The following ZNF382 variants were observed in gnomAD, a reference collection of about 807,000 sequenced individuals.
ZNF382 encodes the protein zinc finger protein 382.
ZNF382 carries 20 observed loss-of-function variants against 38.8 expected under a neutral mutation model. The observed-to-expected ratio is 0.51, with a 90% CI of 0.36 to 0.75. The LOEUF (loss-of-function observed/expected upper bound fraction) is 0.75. Among genes scored for constraint, ZNF382 ranks in the 30% least tolerant of loss-of-function variants. The probability of loss-of-function intolerance (pLI) is 0.00; values close to 1 mark genes in which losing one functional copy is unlikely to be tolerated. For synonymous variants in ZNF382, 202 were observed against 223.1 expected (o/e 0.91, Z 0.84); for missense variants, 546 against 654.1 (o/e 0.83, Z 1.80).
rs2037250514 is a variant in ZNF382 at position 36,630,969 on chromosome 19, C to G, written c.*3419C>G. ...TCAGCTAATGTTTTTATTTTTTATACATATGGGGTCTCGTTGTGTTGCCCA... is the reference window on the plus strand; with the variant it reads ...TCAGCTAATGTTTTTATTTTTTATAGATATGGGGTCTCGTTGTGTTGCCCA... On this transcript the variant is annotated 3_prime_UTR_variant, in exon 5 of 5. Transcript: ENST00000292928. The G allele has an allele frequency of 6.6e-6, 1 of 151,670 alleles. No homozygotes were observed. Among genetic ancestry groups the G allele is most frequent in the Non-Finnish European group, 1.5e-5 (1 of 67,936 alleles). 9.4% of individuals were successfully genotyped at this position (151,670 alleles called of 1,614,324 possible).
At position 36,610,492 on chromosome 19, in the gene ZNF382, A is replaced by AAATATGATT. The variant is rs781616829; in HGVS notation, c.140-156_140-148dup. Reference sequence around the variant, plus strand: ...AAAAGAAAAGGAAAGAAAGAAAAGAAAATATGATTATATCATCACTTGTGT... The same window carrying AAATATGATT: ...AAAAGAAAAGGAAAGAAAGAAAAGAAAATATGATTAATATGATTATATCATCACTTGTGT... On this transcript the variant is annotated intron_variant, in intron 3 of 4. Transcript: ENST00000292928. 1.0e-4 allele frequency: 54 copies of AAATATGATT among 518,986 alleles called. 1 individual carries two copies. Among genetic ancestry groups the AAATATGATT allele is most frequent in the Middle Eastern group, 9.0e-4 (3 of 3,334 alleles). The allele number at this position is 518,986 out of a possible 1,614,324, so 32.1% of individuals were successfully genotyped here.
intron 4 of ZNF382, among the ~76,000 whole-genome samples, chr19:36,613,359 G>A (rs2037094289): frequency 1.3e-5 from 2 of 151,176 alleles, no homozygotes; most frequent in Admixed American, 6.6e-5. Context: ...TAGGTATAGT[G>A]AGGATAATTC....
At position 36,610,662 on chromosome 19, in the gene ZNF382, C is replaced by T. The variant is rs139234673; in HGVS notation, c.152C>T (p.Ala51Val). The change falls in exon 4 of 5, where the codon GCT (alanine) becomes GTT (valine). Residue 51 changes from alanine (A) to valine (V), a missense_variant. Coordinates refer to ENST00000292928, the MANE Select transcript of ZNF382 (RefSeq NM_032825.5). ...CHFVSVGFHM[A>V]KPDMIRKLEQ... ...TTTCCATCATCAGGGTTTCACATGG[C>T]TAAGCCTGATATGATCCGCAAGTTG... 2 of 1,612,166 alleles carry T rather than the reference C, an allele frequency of 1.2e-6. No homozygotes were observed. The highest frequency in any genetic ancestry group is 1.7e-6 in the Non-Finnish European group (2 of 1,179,170).
At position 36,610,048 on chromosome 19, in the gene ZNF382, C is replaced by A; in HGVS notation, c.134C>A (p.Ser45Tyr). 6.2e-7 allele frequency: 1 copy of A among 1,613,770 alleles called. No homozygotes were observed. Among genetic ancestry groups the A allele is most frequent in the Non-Finnish European group, 8.5e-7 (1 of 1,179,886 alleles). Residue 45 changes from serine to tyrosine, a missense_variant, in exon 3 of 5, where the codon TCT becomes TAT. Physicochemically the swap from Ser to Tyr is moderately radical, Grantham distance 144. Transcript: ENST00000292928. ...TTGGAAAACTATTGCCACTTCGTAT[C>A]TGTGGGTAAGAAACACTCCTGAATC... ...VMLENYCHFV[S>Y]VGFHMAKPDM...
Position 36,629,890 on chromosome 19 carries a change from A to C in ZNF382, c.*2340A>C, listed in dbSNP as rs2037242393. 2.0e-5 allele frequency: 3 copies of C among 152,192 alleles called. No homozygotes were observed. The highest frequency in any genetic ancestry group is 1.3e-4 in the Admixed American group (2 of 15,274). The allele number at this position is 152,192 out of a possible 1,614,324, so 9.4% of individuals were successfully genotyped here. A position where few individuals can be genotyped will look rare whatever the true frequency, so the allele number is the denominator to read the frequency against. On this transcript the variant is annotated 3_prime_UTR_variant, in exon 5 of 5. Transcript: ENST00000292928. ...CAGTGAGCCAGGATAGCACCACTGC[A>C]CTCCAGCCTGGGTAACAGAGCGAGA... is the stretch of plus-strand genomic sequence containing the variant.
At chr19:36,625,121 T>TATATATATATAG (rs1173893044) in intron 4 of ZNF382, among the ~76,000 whole-genome samples, 1 of 127,682 alleles carries the variant, frequency 7.8e-6, no homozygotes, top group Non-Finnish European at 1.7e-5. Flanking sequence ...TATATATATA[T>TATATATATATAG]ATATATAATG....
chr19:36,615,075 C>G (rs1288279650), intron 4 of ZNF382, among the ~76,000 whole-genome samples: 2 of 150,632 alleles, frequency 1.3e-5, no homozygotes, highest in Non-Finnish European at 3.0e-5. Flanking sequence ...CTCCGACTCC[C>G]GGGTTCAAAT....
intron 4 of ZNF382, among the ~76,000 whole-genome samples, chr19:36,623,957 C>T (rs767736116): frequency 2.0e-5 from 3 of 151,830 alleles, no homozygotes; most frequent in Non-Finnish European, 4.4e-5. Flanking sequence ...AGTGTGGTGG[C>T]GGGCACCTGT....
chr19:36,605,359 G>A lies in ZNF382; in HGVS notation c.-85+12G>A, dbSNP rs949729169. 2.0e-5 allele frequency: 3 copies of A among 152,938 alleles called. No individual in the cohort carries two copies. The highest frequency in any genetic ancestry group is 4.4e-5 in the Non-Finnish European group (3 of 68,660). The allele number at this position is 152,938 out of a possible 1,614,324, so 9.5% of individuals were successfully genotyped here. A position where few individuals can be genotyped will look rare whatever the true frequency, so the allele number is the denominator to read the frequency against. On this transcript the variant is annotated intron_variant, in intron 1 of 4. Transcript: ENST00000292928. Reference sequence around the variant, plus strand: ...GGGGGTGAGGCTTGGTGGGTGCCAGGGGTGCTGAGGAGGCCAAGGAGGGCA... The same window carrying A: ...GGGGGTGAGGCTTGGTGGGTGCCAGAGGTGCTGAGGAGGCCAAGGAGGGCA...
intron 4 of ZNF382, among the ~76,000 whole-genome samples, chr19:36,621,641 A>G (rs569748974): frequency 6.6e-6 from 1 of 152,192 alleles, no homozygotes; most frequent in East Asian, 1.9e-4. Context: ...AAATCAGTAT[A>G]GTATAACAAC....
rs1434481969 is a variant in ZNF382, at chr19:36,626,606, G to C, written c.709G>C (p.Glu237Gln). ...TACACATACTAGAGCTCACAGAGGA[G>C]AAAGAACCTTTGAATACAATAAAGA... ...LFTHTRAHRG[E>Q]RTFEYNKDGI... Residue 237 changes from glutamate to glutamine, a missense_variant, in exon 5 of 5, where the codon GAA becomes CAA. Glu to Gln is a conservative substitution (Grantham distance 29). Transcript: ENST00000292928. The C allele has an allele frequency of 6.2e-7, 1 of 1,614,140 alleles. No homozygotes were observed. Among genetic ancestry groups the C allele is most frequent in the South Asian group, 1.1e-5 (1 of 91,070 alleles).
At chr19:36,619,933 G>C (rs12977486) in intron 4 of ZNF382, among the ~76,000 whole-genome samples, 13,472 of 151,906 alleles carry the variant, frequency 0.089, 637 homozygotes, top group African/African-American at 0.13. Context: ...GGGTTTCACC[G>C]TGTTAGCCAG....
chr19:36,619,476 C>G (rs572196283), intron 4 of ZNF382, among the ~76,000 whole-genome samples: 2 of 152,238 alleles, frequency 1.3e-5, no homozygotes, highest in South Asian at 4.1e-4. Flanking sequence ...GGTGGGCTAA[C>G]TATTTGTAAC....
Position 36,627,527 on chromosome 19 carries a change from G to A in ZNF382, c.1630G>A (p.Val544Ile). ...CATTGTCCATCAGAAAACTCACAAG[G>A]TAGAAACCACGGGAATTCAGTAAGT... The part of the protein sequence containing the change: ...NLIVHQKTHK[V>I]ETTGIQ Residue 544 changes from valine (V) to isoleucine (I), a missense_variant, in exon 5 of 5, where the codon GTA (valine) becomes ATA (isoleucine). Val to Ile is a conservative substitution (Grantham distance 29). Transcript: ENST00000292928. 3 of 1,610,928 alleles carry A rather than the reference G, an allele frequency of 1.9e-6. No homozygotes were observed. The South Asian group carries it at 3.3e-5, about 18-fold the overall frequency.
chr19:36,610,832 T>C lies in ZNF382; in HGVS notation c.232+90T>C, dbSNP rs2037071620. 5 of 936,530 alleles carry C rather than the reference T, an allele frequency of 5.3e-6. No individual in the cohort carries two copies. In the Admixed American group the frequency reaches 7.1e-5, roughly 13 times the overall value. 58.0% of individuals were successfully genotyped at this position (936,530 alleles called of 1,614,324 possible). On this transcript the variant is annotated intron_variant, in intron 4 of 4. Transcript: ENST00000292928. ...TAGGGATCTATTTTTGTTATTGTGGTAAAATACACATAACATTAAATATGC... is the reference window on the plus strand; with the variant it reads ...TAGGGATCTATTTTTGTTATTGTGGCAAAATACACATAACATTAAATATGC...
At position 36,629,456 on chromosome 19, in the gene ZNF382, C is replaced by T. The variant is rs374191435; in HGVS notation, c.*1906C>T. The T allele has an allele frequency of 2.6e-5, 4 of 152,124 alleles. No homozygotes were observed. The highest frequency in any genetic ancestry group is 4.4e-5 in the Non-Finnish European group (3 of 68,028). 9.4% of individuals were successfully genotyped at this position (152,124 alleles called of 1,614,324 possible). A position where few individuals can be genotyped will look rare whatever the true frequency, so the allele number is the denominator to read the frequency against. On this transcript the variant is annotated 3_prime_UTR_variant, in exon 5 of 5. Transcript: ENST00000292928. ...GGACCCTGCTAACACCCAACTGGTA[C>T]CACAAATGAGACCTCAAGCAAGAAC...
At chr19:36,625,103 T>TATAG (rs2037200793) in intron 4 of ZNF382, among the ~76,000 whole-genome samples, 1 of 119,988 alleles carries the variant, frequency 8.3e-6, no homozygotes, top group South Asian at 2.6e-4. Flanking sequence ...TATATATATA[T>TATAG]ATATATATAT....
intron 4 of ZNF382, among the ~76,000 whole-genome samples, chr19:36,615,296 T>A (rs2037117384): frequency 6.6e-6 from 1 of 152,176 alleles, no homozygotes; most frequent in Non-Finnish European, 1.5e-5. Context: ...TTTTTAGTAG[T>A]TTTAATTACA....
Position 36,629,375 on chromosome 19 carries a change from T to TA in ZNF382, c.*1825_*1826insA, listed in dbSNP as rs1460453472. 1.3e-5 allele frequency: 2 copies of TA among 152,146 alleles called. No individual in the cohort carries two copies. The highest frequency in any genetic ancestry group is 2.9e-5 in the Non-Finnish European group (2 of 68,088). 9.4% of individuals were successfully genotyped at this position (152,146 alleles called of 1,614,324 possible). A position where few individuals can be genotyped will look rare whatever the true frequency, so the allele number is the denominator to read the frequency against. On this transcript the variant is annotated 3_prime_UTR_variant, in exon 5 of 5. Coordinates refer to ENST00000292928, the MANE Select transcript of ZNF382 (RefSeq NM_032825.5). ...CTCCCAGCCATCAGCTAGCATCAGCTGCCAACCATGTAAGTGAGGCCTCTT... is the reference window on the plus strand; with the variant it reads ...CTCCCAGCCATCAGCTAGCATCAGCTAGCCAACCATGTAAGTGAGGCCTCTT...
Sources: allele counts gnomAD v4.1 joint callset (sites outside exome capture counted in the v4.1 genomes callset), GRCh38; gene constraint gnomAD v4.1.1; transcripts MANE v1.5; gene names NCBI Gene and HGNC (gene_info 2026-07-23, HGNC 2026-07-21).